The following CNKSR3 variants were observed in gnomAD, a reference collection of about 807,000 sequenced individuals.
The protein encoded by CNKSR3 is connector enhancer of kinase suppressor of ras 3.
Under a neutral mutation model 67.7 loss-of-function variants are expected in CNKSR3, and 36 were observed. The ratio of observed to expected loss-of-function variants is 0.53; its 90% CI spans 0.41 to 0.70. CNKSR3 has a LOEUF of 0.70. Among genes scored for constraint, CNKSR3 ranks in the 30% least tolerant of loss-of-function variants. The pLI is 0.00. For synonymous variants in CNKSR3, 281 were observed against 271.4 expected, an observed-to-expected ratio of 1.04 and a Z score of -0.35; for missense variants, 630 against 695.2, an observed-to-expected ratio of 0.91 and a Z score of 1.05.
chr6:154,496,543 T>C (rs72999382), intron 1 of CNKSR3, among the ~76,000 whole-genome samples: 21,197 of 152,140 alleles, frequency 0.14, 1,830 homozygotes, highest in African/African-American at 0.25. Flanking sequence ...AGATAACCAA[T>C]GTGGGCATTT....
At chr6:154,416,961 A>G (rs1273162572) in intron 9 of CNKSR3, among the ~76,000 whole-genome samples, 1 of 152,210 alleles carries the variant, frequency 6.6e-6, no homozygotes, top group African/African-American at 2.4e-5. Context: ...CAAACCAGAG[A>G]ACATCGCAGT....
chr6:154,442,456 A>T (rs1785617189), intron 2 of CNKSR3, among the ~76,000 whole-genome samples, 166 bp from the exon 3 acceptor site: 1 of 152,264 alleles, frequency 6.6e-6, no homozygotes, highest in South Asian at 2.1e-4. Context: ...CCCCGTCTCT[A>T]CTAAAAACAC....
intron 1 of CNKSR3, among the ~76,000 whole-genome samples, chr6:154,506,369 GAAAA>G (rs955063619): frequency 6.6e-6 from 1 of 152,124 alleles, no homozygotes; most frequent in African/African-American, 2.4e-5. Context: ...ACAAAAGAAG[GAAAA>G]AGAAAGAAAT....
intron 5 of CNKSR3, among the ~76,000 whole-genome samples, 182 bp from the exon 6 acceptor site, chr6:154,430,773 C>T (rs1785349637): frequency 6.6e-6 from 1 of 152,126 alleles, no homozygotes; most frequent in Admixed American, 6.6e-5. Flanking sequence ...GGGAATAGTG[C>T]CACTATTTCA....
chr6:154,412,646 A>G (rs767947406), intron 10 of CNKSR3, among the ~76,000 whole-genome samples: 4 of 152,182 alleles, frequency 2.6e-5, no homozygotes, highest in African/African-American at 7.2e-5. Flanking sequence ...ACACGCTATA[A>G]TAAGTTCTGA....
At chr6:154,440,991 A>T (rs1393605921) in intron 4 of CNKSR3, among the ~76,000 whole-genome samples, 1 of 145,318 alleles carries the variant, frequency 6.9e-6, no homozygotes, top group Non-Finnish European at 1.5e-5. Context: ...AATTTTCATT[A>T]AAAAAAAAAA....
chr6:154,409,670 T>C (rs573429549), intron 12 of CNKSR3, among the ~76,000 whole-genome samples: 19 of 152,180 alleles, frequency 1.2e-4, no homozygotes, highest in Non-Finnish European at 2.6e-4. Flanking sequence ...CTGGGCAACA[T>C]AGTAAGACCC....
At chr6:154,444,943 C>A (rs1785678464) in intron 2 of CNKSR3, among the ~76,000 whole-genome samples, 1 of 151,878 alleles carries the variant, frequency 6.6e-6, no homozygotes, top group Non-Finnish European at 1.5e-5. Flanking sequence ...GCTATGTGGG[C>A]CAGAGAGAGG....
In CNKSR3 at chr6:154,389,199, C is replaced by T. The variant is rs1032212894; in HGVS notation, c.*17155G>A. 1 of 152,078 alleles carries T rather than the reference C, an allele frequency of 6.6e-6. No individual in the cohort carries two copies. The highest frequency in any genetic ancestry group is 6.6e-5 in the Admixed American group (1 of 15,248). The allele number at this position is 152,078 out of a possible 1,614,324, so 9.4% of individuals were successfully genotyped here. On this transcript the variant is annotated 3_prime_UTR_variant, in exon 13 of 13. Transcript: ENST00000607772. ...TCAAAGAGCTTTTCGCCTATGTTTT[C>T]TTCTAGGAGTTTTACAGCTTCAGAT... is the stretch of plus-strand genomic sequence containing the variant.
intron 1 of CNKSR3, among the ~76,000 whole-genome samples, chr6:154,486,453 C>T (rs549001398): frequency 3.2e-4 from 48 of 150,588 alleles, no homozygotes; most frequent in East Asian, 1.7e-3. Context: ...CGGGCCACCA[C>T]GCCCAGCTAA....
chr6:154,482,271 A>G (rs971134283), intron 1 of CNKSR3, among the ~76,000 whole-genome samples: 4 of 152,216 alleles, frequency 2.6e-5, no homozygotes, highest in African/African-American at 9.6e-5. Flanking sequence ...TGTTTTAAGC[A>G]GAACTGGTGC....
At chr6:154,475,239 G>A (rs891729416) in intron 1 of CNKSR3, among the ~76,000 whole-genome samples, 1 of 152,124 alleles carries the variant, frequency 6.6e-6, no homozygotes, top group African/African-American at 2.4e-5. Context: ...CCGGGAGGTA[G>A]AACAAGTTCT....
At chr6:154,410,286 CCCTGGGGCTGTT>C in intron 12 of CNKSR3, 45 bp downstream of exon 12, 3 of 1,226,800 alleles carry the variant, frequency 2.4e-6, no homozygotes, top group Non-Finnish European at 3.6e-6. Context: ...TGAAACCAGG[CCCTGGGGCTGTT>C]CACTCCCCAT....
intron 1 of CNKSR3, among the ~76,000 whole-genome samples, chr6:154,489,724 G>A (rs1031424263): frequency 6.6e-6 from 1 of 152,102 alleles, no homozygotes; most frequent in Non-Finnish European, 1.5e-5. Flanking sequence ...CTAACCCTCA[G>A]ATGATTGATA....
intron 10 of CNKSR3, among the ~76,000 whole-genome samples, chr6:154,413,818 G>C (rs996756086): frequency 2.0e-5 from 3 of 152,066 alleles, no homozygotes; most frequent in African/African-American, 7.2e-5. Context: ...CACAAACTCT[G>C]CTCACTGCAA....
intron 1 of CNKSR3, among the ~76,000 whole-genome samples, chr6:154,485,445 TAG>T (rs1385772405): frequency 6.6e-6 from 1 of 152,220 alleles, no homozygotes; most frequent in Non-Finnish European, 1.5e-5. Flanking sequence ...GAATAAAATA[TAG>T]AAACAGTTTT....
At chr6:154,442,895 T>TA (rs138596281) in intron 2 of CNKSR3, among the ~76,000 whole-genome samples, 29,686 of 151,920 alleles carry the variant, frequency 0.2, 3,202 homozygotes, top group Admixed American at 0.28. Context: ...TTATTTTTTT[T>TA]ATTTTATTTT....
rs1786172777 is a variant in CNKSR3, at chr6:154,465,247, C to G, written c.53-14989G>C. Among the ~76,000 whole-genome samples, 3 of 150,824 alleles carry G rather than the reference C, an allele frequency of 2.0e-5. No homozygotes were observed. The South Asian group carries it at 6.3e-4, about 32-fold the overall frequency. On this transcript the variant is annotated intron_variant, in intron 1 of 12. Coordinates refer to ENST00000607772, the MANE Select transcript of CNKSR3 (RefSeq NM_173515.4). The stretch of plus-strand genomic sequence containing the variant: ...GACAGCTTAAATAAAATTCTAAAGT[C>G]TTTAATGCAAAATACAATAGGGTCG...
chr6:154,413,688 C>T (rs1046446987), intron 10 of CNKSR3, among the ~76,000 whole-genome samples: 3 of 152,160 alleles, frequency 2.0e-5, no homozygotes, highest in East Asian at 3.9e-4. Context: ...CCAATAGACC[C>T]TTCCAAGGCC....
Sources: gnomAD v4.1 joint callset for allele counts (sites outside exome capture counted in the v4.1 genomes callset) on GRCh38, gnomAD v4.1.1 for gene constraint, MANE v1.5 for transcripts, NCBI Gene and HGNC (gene_info 2026-07-23, HGNC 2026-07-21) for gene names.